Variants in GOLGA1 observed in about 807,000 individuals in gnomAD.
GOLGA1 encodes the protein golgin subfamily A member 1.
GOLGA1 carries 63 observed loss-of-function variants against 119.7 expected under a neutral mutation model. The ratio of observed to expected loss-of-function variants is 0.53; its 90% CI spans 0.43 to 0.65. The LOEUF is 0.65. Ranked by LOEUF, GOLGA1 falls within the 30% of genes least tolerant of loss-of-function variation. GOLGA1 has a pLI of 0.00. For missense variants in GOLGA1, 798 were observed against 912.8 expected, an observed-to-expected ratio of 0.87 and a Z score of 1.62; for synonymous variants, 318 against 333.4, an observed-to-expected ratio of 0.95 and a Z score of 0.50.
chr9:124,908,804 G>A (rs549848009), intron 11 of GOLGA1, among the ~76,000 whole-genome samples: 1 of 152,328 alleles, frequency 6.6e-6, no homozygotes, highest in East Asian at 1.9e-4. Context: ...AGTCGTTAGG[G>A]TTCAGGGAGC....
chr9:124,889,033 A>C (rs1447615258), intron 18 of GOLGA1, 110 bp downstream of exon 18: 2 of 806,796 alleles, frequency 2.5e-6, no homozygotes, highest in East Asian at 5.2e-5. Flanking sequence ...CCCTACATGC[A>C]GGGGAGCGTC....
At chr9:124,889,410 C>G in intron 17 of GOLGA1, 24 bp downstream of exon 17, 18 of 1,597,008 alleles carry the variant, frequency 1.1e-5, no homozygotes, top group Non-Finnish European at 1.5e-5. Flanking sequence ...GGAGAGAAGG[C>G]TCAGCCAGGG....
At chr9:124,928,585 G>C (rs957778778) in intron 5 of GOLGA1, among the ~76,000 whole-genome samples, 1 of 152,126 alleles carries the variant, frequency 6.6e-6, no homozygotes, top group African/African-American at 2.4e-5. Flanking sequence ...CACTGAGTTA[G>C]GTAGGTTGCC....
chr9:124,925,145 A>G (rs1414551532), intron 7 of GOLGA1, among the ~76,000 whole-genome samples: 1 of 152,080 alleles, frequency 6.6e-6, no homozygotes, highest in Non-Finnish European at 1.5e-5. Context: ...ACAAAGAGAA[A>G]ATTCCCTTTG....
rs767750016 is a variant in GOLGA1, at chr9:124,921,212, C to T, written c.760G>A (p.Ala254Thr). ...TCCAGGGCTGTGATCTTACTTTCTG[C>T]ACCTGTTTTTGAAGCTATCACATGA... ...RDHVIASKTG[A>T]ESKITALEQK... The change falls in exon 10 of 23, where the codon GCA becomes ACA. Residue 254 changes from alanine (A) to threonine (T), a missense_variant. Transcript: ENST00000373555. 3 of 1,611,664 alleles carry T rather than the reference C, an allele frequency of 1.9e-6. No homozygotes were observed. The East Asian group carries it at 6.7e-5, about 36-fold the overall frequency.
At chr9:124,922,878 ACAAAACAAAACC>A (rs1019555752) in intron 8 of GOLGA1, among the ~76,000 whole-genome samples, 30 of 152,268 alleles carry the variant, frequency 2.0e-4, no homozygotes, top group South Asian at 6.2e-4. Context: ...ACAAAACAAA[ACAAAACAAAACC>A]CAAAACAAAA....
intron 8 of GOLGA1, 90 bp downstream of exon 8, chr9:124,923,005 T>C (rs1333015454): frequency 5.1e-6 from 4 of 787,688 alleles, no homozygotes; most frequent in Non-Finnish European, 8.5e-6. Flanking sequence ...TACTGGTGTA[T>C]GTTTATCAGC....
Position 124,881,167 on chromosome 9 carries a change from C to G in GOLGA1, c.2223+4G>C, listed in dbSNP as rs1288397594. 6.9e-7 allele frequency: 1 copy of G among 1,453,750 alleles called. No homozygotes were observed. Among genetic ancestry groups the G allele is most frequent in the Non-Finnish European group, 9.7e-7 (1 of 1,032,584 alleles). 90.1% of individuals were successfully genotyped at this position (1,453,750 alleles called of 1,614,324 possible). A position where few individuals can be genotyped will look rare whatever the true frequency, so the allele number is the denominator to read the frequency against. ...AGCTGGAACAGTAGACCAGAGAACC[C>G]TACCTTATATTCCAGAGTTTCCTTG... On this transcript the variant is annotated splice_donor_region_variant and intron_variant, in intron 22 of 22. Coordinates refer to ENST00000373555, the MANE Select transcript of GOLGA1 (RefSeq NM_002077.4). This position sits in a 1 kb window ranked among gnomAD's most constrained non-coding sequence, Gnocchi z 4.9.
Position 124,931,364 on chromosome 9 carries a change from G to C in GOLGA1, c.178C>G (p.Leu60Val), listed in dbSNP as rs141438200. 1.7e-5 allele frequency: 27 copies of C among 1,599,680 alleles called. No homozygotes were observed. The highest frequency in any genetic ancestry group is 2.2e-5 in the Non-Finnish European group (26 of 1,166,978). ...CGTATCTGTTCATTCCTTCTCAGAAGCTGGGATGAAAGATCTTCTCTGGAG... is the reference window on the plus strand; with the variant it reads ...CGTATCTGTTCATTCCTTCTCAGAACCTGGGATGAAAGATCTTCTCTGGAG... Reference protein sequence around the residue: ...SSSREDLSSQLLRRNEQIRKL... With the variant: ...SSSREDLSSQVLRRNEQIRKL... Residue 60 changes from leucine (L) to valine (V), a missense_variant, in exon 4 of 23, where the codon CTT (leucine) becomes GTT (valine). Transcript: ENST00000373555.
At chr9:124,884,535 C>T (rs1469357223) in intron 19 of GOLGA1, among the ~76,000 whole-genome samples, 1 of 152,154 alleles carries the variant, frequency 6.6e-6, no homozygotes, top group Non-Finnish European at 1.5e-5. Context: ...GCTGGGCTTC[C>T]ACTTTAAACA....
chr9:124,930,630 G>A (rs1830754525), intron 4 of GOLGA1, among the ~76,000 whole-genome samples: 1 of 152,086 alleles, frequency 6.6e-6, no homozygotes, highest in Non-Finnish European at 1.5e-5. Flanking sequence ...CAATAAAATG[G>A]GCATTAAAAG....
At chr9:124,943,878 A>G (rs1334963176), upstream of GOLGA1, 2 of 152,262 alleles carry the variant, frequency 1.3e-5, no homozygotes, top group East Asian at 3.8e-4. Context: ...AGCACAAAGT[A>G]AAAAGTGATT....
At chr9:124,934,003 T>C (rs1379514279) in intron 3 of GOLGA1, among the ~76,000 whole-genome samples, 1 of 151,984 alleles carries the variant, frequency 6.6e-6, no homozygotes, top group East Asian at 1.9e-4. Flanking sequence ...AGTAAAACTA[T>C]ATGGTGAGTC....
At chr9:124,939,533 GTTTA>G (rs1830952686) in intron 2 of GOLGA1, among the ~76,000 whole-genome samples, 1 of 108,626 alleles carries the variant, frequency 9.2e-6, no homozygotes, top group Non-Finnish European at 1.9e-5. Context: ...CCTCCAATGA[GTTTA>G]TTTTCTTTCT....
chr9:124,889,009 C>T (rs1829793126), intron 18 of GOLGA1, 134 bp downstream of exon 18: 1 of 689,676 alleles, frequency 1.4e-6, no homozygotes, highest in Non-Finnish European at 2.4e-6. Context: ...AAGTGCCCTA[C>T]TTCAAAGAAA....
At position 124,890,391 on chromosome 9, in the gene GOLGA1, G is replaced by A. The variant is rs1194556290; in HGVS notation, c.1495C>T (p.Gln499Ter). Reference protein sequence around the residue: ...VRKQREEFQQQAANLTAIIDE... With the variant: ...VRKQREEFQQ ...CCTCAGCGTGAAACAGGGCCCACCT[G>A]TTGCTGGAACTCTTCCCTTTGCTTC... The change falls in exon 16 of 23, where the codon CAG becomes TAG. Residue 499 changes from glutamine to a stop codon, truncating the protein, a stop_gained and splice_region_variant. Coordinates refer to ENST00000373555, the MANE Select transcript of GOLGA1 (RefSeq NM_002077.4). LOFTEE classifies it high-confidence loss of function. 1 of 1,607,300 alleles carries A rather than the reference G, an allele frequency of 6.2e-7. No homozygotes were observed.
At position 124,888,265 on chromosome 9, in the gene GOLGA1, C is replaced by T. The variant is rs753588565; in HGVS notation, c.1893G>A (p.Leu631=). The T allele has an allele frequency of 3.7e-6, 6 of 1,614,000 alleles. No individual in the cohort carries two copies. The highest frequency in any genetic ancestry group is 5.1e-6 in the Non-Finnish European group (6 of 1,179,980). Residue 631 remains leucine, a synonymous_variant, in exon 19 of 23, where the codon CTG becomes CTA. Transcript: ENST00000373555. The surrounding 1 kb of genome is among the most constrained non-coding windows in gnomAD (Gnocchi z 4.4). ...KEKQDLEQQL[L]EKNKTIKQMQ... ...AAGGCATCCTCACCTTATTTTTCTC[C>T]AGAAGTTGCTGCTCCAAGTCCTGTT...
rs118117271 is a variant in GOLGA1, at chr9:124,895,241, A to G, written c.1407+3308T>C. Among the ~76,000 whole-genome samples, 824 of 150,628 alleles carry G rather than the reference A, an allele frequency of 5.5e-3. 4 individuals are homozygous for G. Among genetic ancestry groups the G allele is most frequent in the South Asian group, 0.013 (62 of 4,736 alleles). ...CATCCACAAGAGAGAACCCTCCACA[A>G]CAGAGAACCCTCCATAACAGAGAAC... On this transcript the variant is annotated intron_variant, in intron 15 of 22. Coordinates refer to ENST00000373555, the MANE Select transcript of GOLGA1 (RefSeq NM_002077.4).
intron 6 of GOLGA1, among the ~76,000 whole-genome samples, chr9:124,927,237 C>T (rs1218227960): frequency 6.6e-6 from 1 of 152,118 alleles, no homozygotes; most frequent in Non-Finnish European, 1.5e-5. Flanking sequence ...ATGCTTTATG[C>T]CATCTGTGTA....
Sources: allele counts gnomAD v4.1 joint callset (sites outside exome capture counted in the v4.1 genomes callset), GRCh38; gene constraint gnomAD v4.1.1; non-coding constraint Gnocchi (gnomAD v3.1); transcripts MANE v1.5; gene names NCBI Gene and HGNC (gene_info 2026-07-23, HGNC 2026-07-21).